The following COL28A1 variants were observed in gnomAD, a reference collection of about 807,000 sequenced individuals.
COL28A1 encodes the protein collagen alpha-1(XXVIII) chain.
A neutral mutation model predicts 150.2 loss-of-function variants in COL28A1; 161 were observed. The observed-to-expected ratio is 1.07, with a 90% CI of 0.94 to 1.22. The LOEUF (loss-of-function observed/expected upper bound fraction) is 1.22. COL28A1 is among the 50% of genes most tolerant of loss of function. The pLI, the probability that COL28A1 is intolerant of heterozygous loss-of-function variation, is 0.00. For synonymous variants in COL28A1, 552 were observed against 469.7 expected, an observed-to-expected ratio of 1.18 and a Z score of -2.26; for missense variants, 1,617 against 1,388.3, an observed-to-expected ratio of 1.16 and a Z score of -2.62.
At chr7:7,519,346 G>A (rs1781584930) in intron 6 of COL28A1, among the ~76,000 whole-genome samples, 1 of 152,214 alleles carries the variant, frequency 6.6e-6, no homozygotes, top group Non-Finnish European at 1.5e-5. Context: ...CCCACCACAT[G>A]TGGGAATCAT....
chr7:7,430,262 G>A lies in COL28A1; in HGVS notation c.1998+2211C>T, dbSNP rs189789638. ...CTGCCTCGGCCTCCTGAGCAGCTGGGATTATAGGCGCCCACCACCACGCCC... is the reference window on the plus strand; with the variant it reads ...CTGCCTCGGCCTCCTGAGCAGCTGGAATTATAGGCGCCCACCACCACGCCC... On this transcript the variant is annotated intron_variant, in intron 25 of 34. Coordinates refer to ENST00000399429, the MANE Select transcript of COL28A1 (RefSeq NM_001037763.3). Among the ~76,000 whole-genome samples, 62 of 152,238 alleles carry A rather than the reference G, an allele frequency of 4.1e-4. No individual in the cohort carries two copies. The East Asian group carries it at 9.5e-3, about 23-fold the overall frequency.
At chr7:7,459,160 A>G (rs889882813) in intron 15 of COL28A1, among the ~76,000 whole-genome samples, 2 of 152,224 alleles carry the variant, frequency 1.3e-5, no homozygotes, top group Non-Finnish European at 2.9e-5. Flanking sequence ...TGACCTCCAA[A>G]TGTAAAAATA....
At chr7:7,388,856 T>G (rs1029207735) in intron 27 of COL28A1, among the ~76,000 whole-genome samples, 1 of 152,208 alleles carries the variant, frequency 6.6e-6, no homozygotes, top group Non-Finnish European at 1.5e-5. Context: ...GGGTTGTTTT[T>G]TTCTTGTAAA....
At chr7:7,535,023 T>G (rs1022019720) in intron 1 of COL28A1, among the ~76,000 whole-genome samples, 1 of 152,142 alleles carries the variant, frequency 6.6e-6, no homozygotes, top group Admixed American at 6.6e-5. Context: ...TCTAATCACT[T>G]TTTACCATGT....
intron 25 of COL28A1, among the ~76,000 whole-genome samples, chr7:7,428,303 G>A (rs965965340): frequency 2.0e-5 from 3 of 152,120 alleles, no homozygotes; most frequent in African/African-American, 7.2e-5. Context: ...GCTTTGGAGC[G>A]GGTCATAGCT....
At chr7:7,364,688 T>C (rs986242825) in intron 33 of COL28A1, among the ~76,000 whole-genome samples, 5 of 152,184 alleles carry the variant, frequency 3.3e-5, no homozygotes, top group African/African-American at 1.2e-4. Context: ...TACAAGGCCT[T>C]ACCTAGCTAA....
the COL28A1 span, among the ~76,000 whole-genome samples, chr7:7,347,952 T>C: frequency 2.0e-5 from 3 of 152,036 alleles, no homozygotes; most frequent in Admixed American, 2.0e-4. Flanking sequence ...TTTAATCTGA[T>C]ATGTATCTTA....
chr7:7,417,878 T>C lies in COL28A1; in HGVS notation c.2117A>G (p.Tyr706Cys), dbSNP rs370576679. ...ACTTACTTTAATTCCCTGTGATCCA[T>C]AGCCAGGGGGGCCAGGAGGGCCAGG... ...GLPGPPGPPGYGSQGIKGEQG... is the reference protein window; with the variant it reads ...GLPGPPGPPGCGSQGIKGEQG... The change falls in exon 27 of 35, where the codon TAT becomes TGT. Residue 706 changes from tyrosine to cysteine, a missense_variant. By Grantham distance (194) the Tyr-to-Cys change is radical. Coordinates refer to ENST00000399429, the MANE Select transcript of COL28A1 (RefSeq NM_001037763.3). The C allele has an allele frequency of 7.2e-5, 116 of 1,613,438 alleles. No individual in the cohort carries two copies. In the African/African-American group the frequency reaches 1.3e-3, roughly 19 times the overall value.
At chr7:7,524,385 G>T (rs1365473431) in intron 3 of COL28A1, 136 bp from the exon 4 acceptor site, 8 of 646,250 alleles carry the variant, frequency 1.2e-5, no homozygotes, top group Middle Eastern at 2.6e-4. Flanking sequence ...ACTTGTAAAA[G>T]CAATAAAACC....
At chr7:7,355,372 G>A (rs1353717594), downstream of COL28A1, among the ~76,000 whole-genome samples, 1 of 152,090 alleles carries the variant, frequency 6.6e-6, no homozygotes, top group Non-Finnish European at 1.5e-5. Context: ...CACTTTGGGA[G>A]GCTGAGGCTC....
chr7:7,345,635 G>A, the COL28A1 span, among the ~76,000 whole-genome samples: 1 of 151,888 alleles, frequency 6.6e-6, no homozygotes, highest in Non-Finnish European at 1.5e-5. Flanking sequence ...ATCTTGACAG[G>A]TATTTGTCAT....
chr7:7,381,753 A>T, intron 27 of COL28A1, 141 bp from the exon 28 acceptor site: 4 of 555,730 alleles, frequency 7.2e-6, no homozygotes, highest in Non-Finnish European at 1.3e-5. Context: ...ATATATGTAT[A>T]TAAATACATA....
At chr7:7,526,163 C>A (rs925402780) in intron 3 of COL28A1, among the ~76,000 whole-genome samples, 1 of 152,214 alleles carries the variant, frequency 6.6e-6, no homozygotes, top group African/African-American at 2.4e-5. Context: ...GCTGCCAGGA[C>A]AATTCTTGCT....
chr7:7,461,111 G>C (rs763573331), intron 15 of COL28A1, among the ~76,000 whole-genome samples: 6 of 152,222 alleles, frequency 3.9e-5, no homozygotes, highest in Non-Finnish European at 8.8e-5. Context: ...ATGGGAAAGG[G>C]AGATTGTCCG....
rs1782377285 is a variant in COL28A1 at position 7,531,783 on chromosome 7, A to G, written c.246T>C (p.Thr82=). The change falls in exon 3 of 35, where the codon ACT becomes ACC. Residue 82 remains threonine (T), a synonymous_variant. Transcript: ENST00000399429. ...DSLSDKIFQL[T]PGRSLEYDIK... ...TGTCATATTCCAAGGAGCGACCAGG[A>G]GTCAATTGGAAAATCTTGTCACTCA... is the stretch of plus-strand genomic sequence containing the variant. 3.7e-6 allele frequency: 6 copies of G among 1,604,468 alleles called. No homozygotes were observed. Among genetic ancestry groups the G allele is most frequent in the Middle Eastern group, 3.3e-4 (2 of 6,056 alleles).
At position 7,517,345 on chromosome 7, in the gene COL28A1, G is replaced by C. The variant is rs1040214083; in HGVS notation, c.855+451C>G. On this transcript the variant is annotated intron_variant, in intron 7 of 34. Transcript: ENST00000399429. ...AGAAATATACTGTAATTAGTTCTTGGGCAATATCCACTATCTTCTAATTTG... is the reference window on the plus strand; with the variant it reads ...AGAAATATACTGTAATTAGTTCTTGCGCAATATCCACTATCTTCTAATTTG... Among the ~76,000 whole-genome samples, 41 of 151,988 alleles carry C rather than the reference G, an allele frequency of 2.7e-4. 1 individual carries two copies. The highest frequency in any genetic ancestry group is 3.2e-3 in the Middle Eastern group (1 of 316).
chr7:7,401,535 A>T (rs1216585314), intron 27 of COL28A1, among the ~76,000 whole-genome samples: 1 of 152,108 alleles, frequency 6.6e-6, no homozygotes, highest in Non-Finnish European at 1.5e-5. Flanking sequence ...CTCCCATTTC[A>T]GAAAATGGAA....
chr7:7,437,199 A>G (rs1420954191), intron 22 of COL28A1, among the ~76,000 whole-genome samples, 195 bp downstream of exon 22: 2 of 152,186 alleles, frequency 1.3e-5, no homozygotes, highest in African/African-American at 4.8e-5. Context: ...GCTTGGGACC[A>G]AGAGCACAAA....
intron 8 of COL28A1, among the ~76,000 whole-genome samples, chr7:7,512,280 G>C (rs1239800774): frequency 1.3e-5 from 2 of 152,126 alleles, no homozygotes; most frequent in Non-Finnish European, 2.9e-5. Context: ...AAGTTCAAGA[G>C]ATCTATTGTT....
Sources: allele counts gnomAD v4.1 joint callset (sites outside exome capture counted in the v4.1 genomes callset), GRCh38; gene constraint gnomAD v4.1.1; transcripts MANE v1.5; gene names NCBI Gene and HGNC (gene_info 2026-07-23, HGNC 2026-07-21).